The following SPATS2L variants were observed in gnomAD, a reference collection of about 807,000 sequenced individuals.
SPATS2L encodes the protein SPATS2-like protein.
SPATS2L carries 30 observed loss-of-function variants against 59.6 expected under a neutral mutation model. The ratio of observed to expected loss-of-function variants is 0.50; its 90% CI spans 0.38 to 0.68. The LOEUF is 0.68. SPATS2L is among the 30% of genes least tolerant of loss of function. The pLI, the probability that SPATS2L is intolerant of heterozygous loss-of-function variation, is 0.00. For missense variants in SPATS2L, 615 were observed against 700.0 expected (o/e 0.88, Z 1.37); for synonymous variants, 252 against 263.5 (o/e 0.96, Z 0.42).
rs2079024826 is a variant in SPATS2L at position 200,306,729 on chromosome 2, G to A, written c.-266G>A. 1 of 958,702 alleles carries A rather than the reference G, an allele frequency of 1.0e-6. No individual in the cohort carries two copies. The highest frequency in any genetic ancestry group is 5.1e-5 in the South Asian group (1 of 19,686). 59.4% of individuals were successfully genotyped at this position (958,702 alleles called of 1,614,324 possible). ...TGAAGGAATCCAGTCCGGGGGCCGA[G>A]CTGGCTGCGCCCTCCGCTGCAAGCG... On this transcript the variant is annotated 5_prime_UTR_variant, in exon 1 of 13. Coordinates refer to ENST00000409140, the MANE Select transcript of SPATS2L (RefSeq NM_001100423.2).
intron 11 of SPATS2L, 60 bp from the exon 12 acceptor site, chr2:200,472,772 G>T: frequency 6.9e-7 from 1 of 1,440,554 alleles, no homozygotes; most frequent in Admixed American, 1.7e-5. Context: ...TTCCTAATGG[G>T]TTACTGAGGC....
At chr2:200,326,557 G>A (rs2079750882) in intron 1 of SPATS2L, among the ~76,000 whole-genome samples, 3 of 152,112 alleles carry the variant, frequency 2.0e-5, no homozygotes, top group African/African-American at 7.2e-5. Flanking sequence ...GTTTATGCAT[G>A]TATTCCAACA....
intron 2 of SPATS2L, among the ~76,000 whole-genome samples, chr2:200,367,895 C>CA (rs1375941096): frequency 2.0e-5 from 3 of 152,110 alleles, no homozygotes; most frequent in African/African-American, 7.2e-5. Flanking sequence ...AGTTTATAAA[C>CA]AATGTAGTAT....
intron 2 of SPATS2L, among the ~76,000 whole-genome samples, chr2:200,382,513 C>G (rs192546998): frequency 1.3e-5 from 2 of 152,184 alleles, no homozygotes; most frequent in Non-Finnish European, 2.9e-5. Flanking sequence ...AGGCAGGTCC[C>G]GTGGAACGGT....
chr2:200,390,736 A>G (rs2082146703), intron 3 of SPATS2L: 1 of 152,262 alleles, frequency 6.6e-6, no homozygotes, highest in Admixed American at 6.5e-5. Context: ...TGGATCTCCA[A>G]GGGATCGCGG....
intron 2 of SPATS2L, among the ~76,000 whole-genome samples, chr2:200,355,732 A>C (rs2080893331): frequency 6.6e-6 from 1 of 152,236 alleles, no homozygotes; most frequent in Non-Finnish European, 1.5e-5. Flanking sequence ...ATGTCTTTTT[A>C]AACAGTGAAG....
intron 2 of SPATS2L, among the ~76,000 whole-genome samples, chr2:200,343,348 A>T (rs1443798017): frequency 6.6e-6 from 1 of 152,174 alleles, no homozygotes; most frequent in African/African-American, 2.4e-5. Context: ...AAATCACCTA[A>T]TCGATTAAGG....
intron 2 of SPATS2L, among the ~76,000 whole-genome samples, chr2:200,379,081 C>T (rs1196711422): frequency 6.6e-6 from 1 of 152,116 alleles, no homozygotes; most frequent in East Asian, 1.9e-4. Context: ...TCTAATTCTT[C>T]CAGTTCTTAA....
intron 8 of SPATS2L, among the ~76,000 whole-genome samples, chr2:200,457,646 C>T (rs1044374810): frequency 6.6e-6 from 1 of 152,228 alleles, no homozygotes. Flanking sequence ...CTGATGTTGT[C>T]TGCAGTTGAG....
In SPATS2L at chr2:200,416,431, A is replaced by G; in HGVS notation, c.198+3A>G. 6.9e-7 allele frequency: 1 copy of G among 1,442,334 alleles called. No individual in the cohort carries two copies. The highest frequency in any genetic ancestry group is 9.4e-7 in the Non-Finnish European group (1 of 1,062,270). The allele number at this position is 1,442,334 out of a possible 1,614,324, so 89.3% of individuals were successfully genotyped here. On this transcript the variant is annotated splice_donor_region_variant and intron_variant, in intron 5 of 12. Coordinates refer to ENST00000409140, the MANE Select transcript of SPATS2L (RefSeq NM_001100423.2). Reference sequence around the variant, plus strand: ...GGAATATGACAGGAAAAAAGAAGGTAAGATTAATATTGATTGTAAATTGGT... The same window carrying G: ...GGAATATGACAGGAAAAAAGAAGGTGAGATTAATATTGATTGTAAATTGGT...
intron 2 of SPATS2L, chr2:200,378,412 C>T (rs1202181385): frequency 1.0e-6 from 1 of 1,002,134 alleles, no homozygotes; most frequent in African/African-American, 1.7e-5. Context: ...ATAGGAAGAA[C>T]AGTAATGGGG....
chr2:200,474,427 C>T (rs2106248319), intron 12 of SPATS2L, among the ~76,000 whole-genome samples: 1 of 152,194 alleles, frequency 6.6e-6, no homozygotes, highest in South Asian at 2.1e-4. Flanking sequence ...CAGGCTCAGC[C>T]TGCAGGGTAG....
chr2:200,464,735 T>A (rs2086470150), intron 9 of SPATS2L, among the ~76,000 whole-genome samples: 1 of 151,978 alleles, frequency 6.6e-6, no homozygotes. Flanking sequence ...TGCCTCAGCC[T>A]CCGAAAGTGC....
chr2:200,309,756 A>G (rs564763143), intron 1 of SPATS2L, among the ~76,000 whole-genome samples: 1 of 152,332 alleles, frequency 6.6e-6, no homozygotes, highest in South Asian at 2.1e-4. Context: ...TATAGAAGAA[A>G]AACAAACCTT....
intron 2 of SPATS2L, among the ~76,000 whole-genome samples, chr2:200,387,182 C>G (rs2082018327): frequency 1.3e-5 from 2 of 152,302 alleles, no homozygotes; most frequent in Non-Finnish European, 1.5e-5. Flanking sequence ...TATTTGCCAG[C>G]TATTAGGTTG....
intron 11 of SPATS2L, among the ~76,000 whole-genome samples, chr2:200,472,500 G>C (rs2087129151): frequency 6.6e-6 from 1 of 152,108 alleles, no homozygotes; most frequent in Admixed American, 6.5e-5. Flanking sequence ...GGCCAGAGAG[G>C]GAACCTTGAG....
intron 8 of SPATS2L, among the ~76,000 whole-genome samples, chr2:200,456,904 T>C (rs1013149089): frequency 1.3e-5 from 2 of 152,170 alleles, no homozygotes; most frequent in African/African-American, 4.8e-5. Context: ...ATCGTCATTT[T>C]CTTTCCTCTC....
intron 2 of SPATS2L, among the ~76,000 whole-genome samples, chr2:200,364,490 C>T (rs2081206110): frequency 6.6e-6 from 1 of 152,150 alleles, no homozygotes; most frequent in South Asian, 2.1e-4. Flanking sequence ...GGACTTCTTT[C>T]TTAATGTCAG....
intron 1 of SPATS2L, among the ~76,000 whole-genome samples, chr2:200,308,348 C>T (rs993855829): frequency 6.6e-6 from 1 of 151,720 alleles, no homozygotes; most frequent in Non-Finnish European, 1.5e-5. Context: ...AACCAGAAAG[C>T]AATGTGTTGT....
Sources: gnomAD v4.1 joint callset for allele counts (sites outside exome capture counted in the v4.1 genomes callset) on GRCh38, gnomAD v4.1.1 for gene constraint, MANE v1.5 for transcripts, NCBI Gene and HGNC (gene_info 2026-07-23, HGNC 2026-07-21) for gene names.